TNR: variants seen among roughly 807,000 people sequenced by gnomAD.
The protein encoded by TNR is tenascin R, also known as tenascin-R.
Under a neutral mutation model 150.4 loss-of-function variants are expected in TNR, and 45 were observed. The observed-to-expected ratio is 0.30, with a 90% CI of 0.24 to 0.38. TNR has a LOEUF of 0.38. TNR is among the 10% of genes least tolerant of loss of function. TNR has a pLI of 1.00. For missense variants in TNR, 1,544 were observed against 1,759.1 expected, an observed-to-expected ratio of 0.88 and a Z score of 2.19; for synonymous variants, 687 against 678.4, an observed-to-expected ratio of 1.01 and a Z score of -0.20.
chr1:175,354,334 A>G (rs41266100), intron 18 of TNR, 57 bp downstream of exon 18: 41 of 1,595,778 alleles, frequency 2.6e-5, no homozygotes, highest in Non-Finnish European at 3.5e-5. Context: ...GAGGCTGCTG[A>G]TGAGCCAAAC....
intron 1 of TNR, among the ~76,000 whole-genome samples, chr1:175,669,684 G>T (rs1216547175): frequency 6.6e-6 from 1 of 152,208 alleles, no homozygotes; most frequent in Non-Finnish European, 1.5e-5. Context: ...GTCTGTGTGG[G>T]CAGAGAGGAA....
chr1:175,696,240 TTTTTC>T (rs1392362249), intron 1 of TNR, among the ~76,000 whole-genome samples: 1 of 146,372 alleles, frequency 6.8e-6, no homozygotes, highest in African/African-American at 2.7e-5. Context: ...TTTTTTTTTT[TTTTTC>T]CAAAATTTAA....
intron 1 of TNR, among the ~76,000 whole-genome samples, chr1:175,594,081 C>T (rs1662913056): frequency 6.6e-6 from 1 of 152,164 alleles, no homozygotes; most frequent in Non-Finnish European, 1.5e-5. Context: ...TCCTAGTGGG[C>T]ATTTTGTTAT....
rs1354868713 is a variant in TNR at position 175,521,130 on chromosome 1, G to A, written c.-64+7139C>T. Among the ~76,000 whole-genome samples, 3 of 152,194 alleles carry A rather than the reference G, an allele frequency of 2.0e-5. No homozygotes were observed. In the East Asian group the frequency reaches 5.8e-4, roughly 29 times the overall value. ...TGGGGAGTAATTTGAGGGGCAGGAAGATTCCACTGTGCCAATCAAAACACA... is the reference window on the plus strand; with the variant it reads ...TGGGGAGTAATTTGAGGGGCAGGAAAATTCCACTGTGCCAATCAAAACACA... On this transcript the variant is annotated intron_variant, in intron 2 of 22. Coordinates refer to ENST00000367674, the MANE Select transcript of TNR (RefSeq NM_003285.3).
At chr1:175,605,558 A>T (rs776719857) in intron 1 of TNR, among the ~76,000 whole-genome samples, 2 of 152,254 alleles carry the variant, frequency 1.3e-5, no homozygotes, top group African/African-American at 2.4e-5. Context: ...AAGCAAATTG[A>T]CAATTATAAT....
Position 175,391,340 on chromosome 1 carries a change from C to T in TNR, c.1455G>A (p.Val485=), listed in dbSNP as rs909768890. The change falls in exon 7 of 23, where the codon GTG becomes GTA. Residue 485 remains valine (V), a synonymous_variant. Transcript: ENST00000367674. ...GGCTGCGGGCCTGTTCTTTCAGAGC[C>T]ACCACATTGACAATGTATTCCTCCC... ...KPGEEYIVNV[V]ALKEQARSPP... 2 of 1,614,046 alleles carry T rather than the reference C, an allele frequency of 1.2e-6. No homozygotes were observed. Among genetic ancestry groups the T allele is most frequent in the Non-Finnish European group, 1.7e-6 (2 of 1,180,040 alleles).
rs75332435 is a variant in TNR, at chr1:175,369,204, T to C, written c.1964-1907A>G. On this transcript the variant is annotated intron_variant, in intron 9 of 22. Transcript: ENST00000367674. ...GGTGGGATAAGCAGTCTTTTCTCCA[T>C]CTACATTAGCTTCCTGTGGATGCTG... Among the ~76,000 whole-genome samples, 56 of 152,338 alleles carry C rather than the reference T, an allele frequency of 3.7e-4. 2 individuals carry two copies. In the East Asian group the frequency reaches 9.5e-3, roughly 26 times the overall value.
intron 1 of TNR, among the ~76,000 whole-genome samples, chr1:175,650,455 C>A (rs1361182890): frequency 6.6e-6 from 1 of 151,854 alleles, no homozygotes; most frequent in Non-Finnish European, 1.5e-5. Flanking sequence ...ATCTTATAAC[C>A]AAGCACTCTG....
chr1:175,340,538 G>A (rs890632799), intron 18 of TNR, among the ~76,000 whole-genome samples: 2 of 152,258 alleles, frequency 1.3e-5, no homozygotes. Context: ...TTGCAGACAA[G>A]AGAAGGCAGA....
intron 1 of TNR, among the ~76,000 whole-genome samples, chr1:175,717,838 G>T (rs1667193418): frequency 6.6e-6 from 1 of 152,174 alleles, no homozygotes; most frequent in South Asian, 2.1e-4. Context: ...GTCCTCATGG[G>T]TGAGCGCACA....
chr1:175,320,103 C>A lies in TNR; in HGVS notation c.*3254G>T. 1 of 152,422 alleles carries A rather than the reference C, an allele frequency of 6.6e-6. No individual in the cohort carries two copies. The allele number at this position is 152,422 out of a possible 1,614,324, so 9.4% of individuals were successfully genotyped here. ...GGTATTAGTACATATCCTGATGTGT[C>A]TGTAGTTAAACAGCCTCTGAGAAGG... On this transcript the variant is annotated 3_prime_UTR_variant, in exon 23 of 23. Transcript: ENST00000367674.
chr1:175,739,218 G>A (rs1271812207), intron 1 of TNR, among the ~76,000 whole-genome samples: 1 of 152,144 alleles, frequency 6.6e-6, no homozygotes, highest in Admixed American at 6.5e-5. Flanking sequence ...CCAAATGGAA[G>A]GAGGCAGAGG....
At chr1:175,335,423 C>T (rs888247550) in intron 20 of TNR, 3 of 293,526 alleles carry the variant, frequency 1.0e-5, no homozygotes, top group Admixed American at 9.8e-5. Flanking sequence ...TGCCCCTCAC[C>T]GACCAGGCAG....
intron 2 of TNR, among the ~76,000 whole-genome samples, chr1:175,493,491 G>A (rs1016339963): frequency 1.3e-5 from 2 of 152,224 alleles, no homozygotes; most frequent in African/African-American, 4.8e-5. Context: ...GCTAGGAGGA[G>A]CTGGCTCCGC....
chr1:175,432,772 G>A (rs1655334457), intron 2 of TNR, among the ~76,000 whole-genome samples: 1 of 152,034 alleles, frequency 6.6e-6, no homozygotes, highest in African/African-American at 2.4e-5. Context: ...GAGACTGCTG[G>A]ACTTCACCCA....
At chr1:175,425,895 G>C (rs762177234) in intron 2 of TNR, among the ~76,000 whole-genome samples, 3 of 152,190 alleles carry the variant, frequency 2.0e-5, no homozygotes, top group Non-Finnish European at 2.9e-5. Context: ...GGAAGCCATA[G>C]CTTCCATGGT....
chr1:175,379,513 C>T, intron 9 of TNR, 39 bp downstream of exon 9: 1 of 1,583,678 alleles, frequency 6.3e-7, no homozygotes, highest in Non-Finnish European at 8.6e-7. Context: ...GGTATAGACT[C>T]AGCAACCAGC....
chr1:175,324,479 T>C lies in TNR; in HGVS notation c.3834A>G (p.Thr1278=). ...CTGCAACATCATTGTCTCTATCCTC[T>C]GTGGAGAAAGGGCGTCCTTGATGAT... is the stretch of plus-strand genomic sequence containing the variant. The part of the protein sequence containing the change: ...LSYHQGRPFS[T]EDRDNDVAVT... The change falls in exon 22 of 23, where the codon ACA becomes ACG. Residue 1278 remains threonine, a synonymous_variant. Transcript: ENST00000367674. 6.2e-7 allele frequency: 1 copy of C among 1,614,156 alleles called. No individual in the cohort carries two copies. The highest frequency in any genetic ancestry group is 8.5e-7 in the Non-Finnish European group (1 of 1,180,012).
chr1:175,486,650 T>G (rs1056172839), intron 2 of TNR, among the ~76,000 whole-genome samples: 4 of 152,220 alleles, frequency 2.6e-5, no homozygotes, highest in African/African-American at 9.6e-5. Context: ...GTAATGGGAT[T>G]GCTGGGTCAA....
Sources: gnomAD v4.1 joint callset for allele counts (sites outside exome capture counted in the v4.1 genomes callset) on GRCh38, gnomAD v4.1.1 for gene constraint, MANE v1.5 for transcripts, NCBI Gene and HGNC (gene_info 2026-07-23, HGNC 2026-07-21) for gene names.